The following AKAP6 variants were observed in gnomAD, a reference collection of about 807,000 sequenced individuals.
The protein encoded by AKAP6 is A-kinase anchor protein 6.
Under a neutral mutation model 188.5 loss-of-function variants are expected in AKAP6, and 58 were observed. That is an observed-to-expected ratio of 0.31 (90% confidence interval 0.25 to 0.38). The LOEUF (loss-of-function observed/expected upper bound fraction) is 0.38, where lower values mean the gene tolerates loss of function less well. Among genes scored for constraint, AKAP6 ranks in the 10% least tolerant of loss-of-function variants. AKAP6 has a pLI of 1.00. For synonymous variants in AKAP6, 989 were observed against 998.6 expected (o/e 0.99, Z 0.18); for missense variants, 2,710 against 2,740.0 (o/e 0.99, Z 0.24).
intron 12 of AKAP6, among the ~76,000 whole-genome samples, chr14:32,776,369 C>G (rs538193037): frequency 1.3e-5 from 2 of 152,288 alleles, no homozygotes; most frequent in African/African-American, 2.4e-5. Flanking sequence ...AAACCCCTTT[C>G]ACTTGGTTGT....
intron 1 of AKAP6, among the ~76,000 whole-genome samples, chr14:32,362,614 T>A (rs1887700206): frequency 6.6e-6 from 1 of 152,062 alleles, no homozygotes. Context: ...TGTGGAAGCA[T>A]GAGCAAACGT....
chr14:32,339,107 T>A (rs888815485), intron 1 of AKAP6, among the ~76,000 whole-genome samples: 40 of 152,324 alleles, frequency 2.6e-4, no homozygotes, highest in African/African-American at 9.6e-4. Context: ...TGTTTCTCCC[T>A]GGTATAATAT....
intron 1 of AKAP6, among the ~76,000 whole-genome samples, chr14:32,418,454 G>T (rs80229667): frequency 6.6e-6 from 1 of 152,236 alleles, no homozygotes; most frequent in East Asian, 1.9e-4. Context: ...AGTAATAAAA[G>T]CAAATGGCTG....
chr14:32,822,408 C>T lies in AKAP6; in HGVS notation c.4595C>T (p.Ala1532Val). The part of the protein sequence containing the change: ...VPPHERILAS[A>V]SHEMDRISYK... Reference sequence around the variant, plus strand: ...CCCCATGAAAGGATTTTGGCAAGTGCATCTCATGAAATGGATCGCATTTCA... The same window carrying T: ...CCCCATGAAAGGATTTTGGCAAGTGTATCTCATGAAATGGATCGCATTTCA... Residue 1532 changes from alanine to valine, a missense_variant, in exon 13 of 14, where the codon GCA becomes GTA. By Grantham distance (64) the Ala-to-Val change is moderately conservative. This residue lies in a region of AKAP6 where 2,473 missense variants were observed against 2,426.1 expected (regional missense o/e 1.02). Transcript: ENST00000280979. The T allele has an allele frequency of 1.2e-6, 2 of 1,613,960 alleles. No individual in the cohort carries two copies. The highest frequency in any genetic ancestry group is 1.7e-6 in the Non-Finnish European group (2 of 1,179,918).
In AKAP6 at chr14:32,433,490, C is replaced by A; in HGVS notation, c.-4C>A. On this transcript the variant is annotated 5_prime_UTR_variant, in exon 2 of 14. Transcript: ENST00000280979. ...TTGGAAAGAAGTGAGGTTTAGACTT[C>A]TCCATGTTAACCATGAGCGTGACAC... 6.2e-7 allele frequency: 1 copy of A among 1,612,894 alleles called. No homozygotes were observed.
In AKAP6 at chr14:32,552,246, T is replaced by C. The variant is rs571789364; in HGVS notation, c.2346+5247T>C. On this transcript the variant is annotated intron_variant, in intron 4 of 13. Transcript: ENST00000280979. The stretch of plus-strand genomic sequence containing the variant: ...AGCTAATAAGTTACAGAGCCAGGCT[T>C]CAGGCCACCATCTGTTTTATTCCTC... 3.3e-5 allele frequency among the ~76,000 whole-genome samples: 5 copies of C among 152,354 alleles called. No individual in the cohort carries two copies. In the East Asian group the frequency reaches 9.6e-4, roughly 29 times the overall value.
chr14:32,447,227 T>C (rs1046436651), intron 2 of AKAP6, among the ~76,000 whole-genome samples: 1 of 152,208 alleles, frequency 6.6e-6, no homozygotes, highest in African/African-American at 2.4e-5. Context: ...CTACCTTGCA[T>C]TCTCATTTGC....
rs1411856692 is a variant in AKAP6, at chr14:32,568,782, G to C, written c.2347-8338G>C. The stretch of plus-strand genomic sequence containing the variant: ...GAGAGTGCAGTAATATTGTATCATA[G>C]GGTTGTTGTAAGGATTATGTAAGTG... On this transcript the variant is annotated intron_variant, in intron 4 of 13. Transcript: ENST00000280979. This position sits in a 1 kb window ranked among gnomAD's most constrained non-coding sequence, Gnocchi z 6.2. Among the ~76,000 whole-genome samples the C allele has an allele frequency of 1.3e-5, 2 of 152,140 alleles. No individual in the cohort carries two copies. The highest frequency in any genetic ancestry group is 4.8e-5 in the African/African-American group (2 of 41,440).
chr14:32,391,477 T>C (rs1951182), intron 1 of AKAP6, among the ~76,000 whole-genome samples: 119,423 of 152,072 alleles, frequency 0.79, 48,682 homozygotes, highest in Admixed American at 0.9. Context: ...GAAAATCCAG[T>C]ATATTAAGAG....
intron 11 of AKAP6, among the ~76,000 whole-genome samples, chr14:32,759,245 G>C (rs1469601577): frequency 2.0e-5 from 3 of 151,934 alleles, no homozygotes; most frequent in African/African-American, 7.3e-5. Flanking sequence ...AATATTATTA[G>C]GATAAGTGTA....
chr14:32,336,269 G>A (rs994451735), intron 1 of AKAP6, among the ~76,000 whole-genome samples: 2 of 151,752 alleles, frequency 1.3e-5, no homozygotes, highest in African/African-American at 4.8e-5. Flanking sequence ...ATCCAGAAAG[G>A]GCTCTTGCCA....
chr14:32,369,636 CA>C (rs1887945082), intron 1 of AKAP6, among the ~76,000 whole-genome samples: 1 of 152,202 alleles, frequency 6.6e-6, no homozygotes, highest in Non-Finnish European at 1.5e-5. Context: ...ATCTTTTCCT[CA>C]ACAGGTGAGG....
chr14:32,670,178 C>A (rs2139607323), intron 7 of AKAP6, among the ~76,000 whole-genome samples: 1 of 151,934 alleles, frequency 6.6e-6, no homozygotes, highest in South Asian at 2.1e-4. Flanking sequence ...ACTGTCAGAT[C>A]TCATGAAAAC....
chr14:32,490,573 C>G (rs1262511308), intron 2 of AKAP6, among the ~76,000 whole-genome samples: 2 of 152,042 alleles, frequency 1.3e-5, no homozygotes, highest in Non-Finnish European at 2.9e-5. Flanking sequence ...CTTTAGAGGT[C>G]CTTCTGAAAG....
chr14:32,592,717 T>C (rs765135841), intron 5 of AKAP6, among the ~76,000 whole-genome samples: 6 of 152,138 alleles, frequency 3.9e-5, no homozygotes, highest in Non-Finnish European at 5.9e-5. Context: ...ATAAAGCCAC[T>C]TGCATTATTG....
At chr14:32,602,880 C>T (rs1314045349) in intron 7 of AKAP6, among the ~76,000 whole-genome samples, 1 of 152,194 alleles carries the variant, frequency 6.6e-6, no homozygotes, top group Non-Finnish European at 1.5e-5. Context: ...ACCTAGCATA[C>T]TGCCTTTCAC....
intron 4 of AKAP6, among the ~76,000 whole-genome samples, chr14:32,556,931 T>C (rs917160663): frequency 6.6e-6 from 1 of 152,022 alleles, no homozygotes; most frequent in East Asian, 1.9e-4. Flanking sequence ...CTTTTTTTTT[T>C]AAATTTCAAT....
At chr14:32,467,672 G>A (rs1957025) in intron 2 of AKAP6, among the ~76,000 whole-genome samples, 51,579 of 151,612 alleles carry the variant, frequency 0.34, 10,422 homozygotes, top group Non-Finnish European at 0.47. Flanking sequence ...AAGCAGGATG[G>A]TTCTTTTCTT....
At position 32,795,677 on chromosome 14, in the gene AKAP6, A is replaced by G. The variant is rs563097941; in HGVS notation, c.3588+21784A>G. Among the ~76,000 whole-genome samples, 10 of 152,214 alleles carry G rather than the reference A, an allele frequency of 6.6e-5. No homozygotes were observed. The South Asian group carries it at 1.7e-3, about 25-fold the overall frequency. On this transcript the variant is annotated intron_variant, in intron 12 of 13. Coordinates refer to ENST00000280979, the MANE Select transcript of AKAP6 (RefSeq NM_004274.5). ...GAGCCATTTATGACAAATCAATAGC[A>G]TGCTGAATGGGCAAAAGCTGGAAGC... is the stretch of plus-strand genomic sequence containing the variant.
Sources: allele counts gnomAD v4.1 joint callset (sites outside exome capture counted in the v4.1 genomes callset), GRCh38; gene constraint gnomAD v4.1.1; regional missense constraint gnomAD v4.1.1; non-coding constraint Gnocchi (gnomAD v3.1); transcripts MANE v1.5; gene names NCBI Gene and HGNC (gene_info 2026-07-23, HGNC 2026-07-21).